Variants in MARVELD3 observed in about 807,000 individuals in gnomAD.
MARVELD3 encodes MARVEL domain containing 3, also known as MARVEL domain-containing protein 3.
A neutral mutation model predicts 33.5 loss-of-function variants in MARVELD3; 28 were observed. The observed-to-expected ratio is 0.84, with a 90% CI of 0.62 to 1.15. MARVELD3 has a LOEUF of 1.15. Ranked by LOEUF, MARVELD3 falls within the 50% of genes most tolerant of loss-of-function variation. The probability of loss-of-function intolerance (pLI) is 0.00; values close to 1 mark genes in which losing one functional copy is unlikely to be tolerated. For missense variants in MARVELD3, 582 were observed against 547.6 expected, an observed-to-expected ratio of 1.06 and a Z score of -0.63; for synonymous variants, 241 against 230.4, an observed-to-expected ratio of 1.05 and a Z score of -0.42.
Position 71,635,082 on chromosome 16 carries a change from C to T in MARVELD3, c.*279C>T. ...GCGGCTCACACCTGTAACCCCAGCACTTTGGGAGGCTGAGGTGGGTGGATC... is the reference window on the plus strand; with the variant it reads ...GCGGCTCACACCTGTAACCCCAGCATTTTGGGAGGCTGAGGTGGGTGGATC... On this transcript the variant is annotated 3_prime_UTR_variant, in exon 3 of 3. Coordinates refer to ENST00000268485, the MANE Select transcript of MARVELD3 (RefSeq NM_052858.6). 9.3e-7 allele frequency: 1 copy of T among 1,070,746 alleles called. No homozygotes were observed. Among genetic ancestry groups the T allele is most frequent in the Non-Finnish European group, 1.1e-6 (1 of 879,444 alleles). The allele number at this position is 1,070,746 out of a possible 1,614,324, so 66.3% of individuals were successfully genotyped here. A position where few individuals can be genotyped will look rare whatever the true frequency, so the allele number is the denominator to read the frequency against.
chr16:71,639,627 A>G (rs2044603585), downstream of MARVELD3, among the ~76,000 whole-genome samples: 1 of 150,462 alleles, frequency 6.6e-6, no homozygotes, highest in African/African-American at 2.4e-5. Flanking sequence ...TTGTATTTTT[A>G]GTAGAGATGG....
chr16:71,628,681 G>A (rs1049115203), intron 1 of MARVELD3, among the ~76,000 whole-genome samples: 12 of 152,088 alleles, frequency 7.9e-5, no homozygotes, highest in African/African-American at 2.9e-4. Context: ...GGGTCTGCGA[G>A]CATGAGGTTG....
intron 1 of MARVELD3, 136 bp from the exon 2 acceptor site, chr16:71,629,231 G>A: frequency 9.7e-7 from 1 of 1,034,112 alleles, no homozygotes; most frequent in Non-Finnish European, 1.3e-6. Flanking sequence ...AGAATTCTCT[G>A]GAGTTTAAAA....
At position 71,636,290 on chromosome 16, in the gene MARVELD3, T is replaced by C. The variant is rs2044580803; in HGVS notation, c.*1487T>C. On this transcript the variant is annotated 3_prime_UTR_variant, in exon 3 of 3. Coordinates refer to ENST00000268485, the MANE Select transcript of MARVELD3 (RefSeq NM_052858.6). Reference sequence around the variant, plus strand: ...TTTCACATTTAAAAGGTGAGTTCCATTTGAGTTTAGAAAAGGAAATATATA... The same window carrying C: ...TTTCACATTTAAAAGGTGAGTTCCACTTGAGTTTAGAAAAGGAAATATATA... 1 of 423,668 alleles carries C rather than the reference T, an allele frequency of 2.4e-6. No homozygotes were observed. The highest frequency in any genetic ancestry group is 9.6e-5 in the South Asian group (1 of 10,446). The allele number at this position is 423,668 out of a possible 1,614,324, so 26.2% of individuals were successfully genotyped here.
At chr16:71,637,872 C>T (rs561298786), downstream of MARVELD3, 17 of 152,170 alleles carry the variant, frequency 1.1e-4, no homozygotes, top group Non-Finnish European at 1.8e-4. Flanking sequence ...AGTATTTTCA[C>T]ATACTTGCTT....
chr16:71,629,318 C>T, intron 1 of MARVELD3, 49 bp from the exon 2 acceptor site: 1 of 1,505,780 alleles, frequency 6.6e-7, no homozygotes, highest in East Asian at 2.7e-5. Flanking sequence ...ATCCTGAACG[C>T]TATTGAATGA....
In MARVELD3 at chr16:71,635,279, A is replaced by G. The variant is rs964755547; in HGVS notation, c.*476A>G. 3.2e-6 allele frequency: 3 copies of G among 951,248 alleles called. No homozygotes were observed. Among genetic ancestry groups the G allele is most frequent in the Non-Finnish European group, 3.8e-6 (3 of 799,284 alleles). The allele number at this position is 951,248 out of a possible 1,614,324, so 58.9% of individuals were successfully genotyped here. A position where few individuals can be genotyped will look rare whatever the true frequency, so the allele number is the denominator to read the frequency against. On this transcript the variant is annotated 3_prime_UTR_variant, in exon 3 of 3. Transcript: ENST00000268485. ...GGGAGGCGGAGATTGCAGTGAGCCG[A>G]GATCCCGCCACTGCACTCCAGCCCA...
At chr16:71,637,675 CT>C (rs1179626551), downstream of MARVELD3, among the ~76,000 whole-genome samples, 4 of 152,240 alleles carry the variant, frequency 2.6e-5, no homozygotes, top group East Asian at 7.7e-4. Context: ...ACTTTAGAGT[CT>C]TTCACTGCCC....
In MARVELD3 at chr16:71,635,740, C is replaced by G; in HGVS notation, c.*937C>G. On this transcript the variant is annotated 3_prime_UTR_variant, in exon 3 of 3. Coordinates refer to ENST00000268485, the MANE Select transcript of MARVELD3 (RefSeq NM_052858.6). ...GTTTTTCCACACTGAACTCTCCAGT[C>G]CTTCCACTTCCTTAATTCTGCAAAT... is the stretch of plus-strand genomic sequence containing the variant. The G allele has an allele frequency of 1.0e-6, 1 of 985,386 alleles. No individual in the cohort carries two copies. The highest frequency in any genetic ancestry group is 1.2e-6 in the Non-Finnish European group (1 of 829,938). The allele number at this position is 985,386 out of a possible 1,614,324, so 61.0% of individuals were successfully genotyped here. A position where few individuals can be genotyped will look rare whatever the true frequency, so the allele number is the denominator to read the frequency against.
rs913330638 is a variant in MARVELD3 at position 71,626,917 on chromosome 16, C to T, written c.467+221C>T. ...AACCCAACTAACAAAGCAAAAACCA[C>T]CCCTGTGAGCAGTGGCTGGGCTGGA... On this transcript the variant is annotated intron_variant, in intron 1 of 2. Transcript: ENST00000268485. This position sits in a 1 kb window ranked among gnomAD's most constrained non-coding sequence, Gnocchi z 5.3. 5 of 460,182 alleles carry T rather than the reference C, an allele frequency of 1.1e-5. No homozygotes were observed. The highest frequency in any genetic ancestry group is 8.7e-5 in the Admixed American group (2 of 22,982). The allele number at this position is 460,182 out of a possible 1,614,324, so 28.5% of individuals were successfully genotyped here.
downstream of MARVELD3, chr16:71,636,522 T>C (rs1256130307): frequency 6.6e-6 from 1 of 152,138 alleles, no homozygotes; most frequent in Admixed American, 6.6e-5. Context: ...CAGGTATGGA[T>C]ATATAGTTAA....
rs950812510 is a variant in MARVELD3 at position 71,634,944 on chromosome 16, C to T, written c.*141C>T. ...GCGTTGGTGTGGTGGGCGGAGCTCC[C>T]AGTCGCATGGAGCGGTGTTCATGGA... On this transcript the variant is annotated 3_prime_UTR_variant, in exon 3 of 3. Transcript: ENST00000268485. 1.4e-6 allele frequency: 2 copies of T among 1,442,948 alleles called. No individual in the cohort carries two copies. The highest frequency in any genetic ancestry group is 1.5e-5 in the South Asian group (1 of 66,582). 89.4% of individuals were successfully genotyped at this position (1,442,948 alleles called of 1,614,324 possible). A position where few individuals can be genotyped will look rare whatever the true frequency, so the allele number is the denominator to read the frequency against.
intron 1 of MARVELD3, chr16:71,629,004 G>A (rs1354400148): frequency 5.4e-6 from 1 of 186,534 alleles, no homozygotes. Context: ...GAGAATGCCT[G>A]CCTGGGCATC....
At chr16:71,637,090 C>G (rs1567606493), downstream of MARVELD3, among the ~76,000 whole-genome samples, 1 of 152,158 alleles carries the variant, frequency 6.6e-6, no homozygotes, top group Non-Finnish European at 1.5e-5. Flanking sequence ...ATACTTGAGC[C>G]TGCCTTGATA....
intron 2 of MARVELD3, among the ~76,000 whole-genome samples, chr16:71,633,863 G>A (rs1184744240): frequency 2.0e-5 from 3 of 152,058 alleles, no homozygotes; most frequent in Admixed American, 2.0e-4. Context: ...GTGGTGGGAG[G>A]TGGAATGTTC....
downstream of MARVELD3, among the ~76,000 whole-genome samples, chr16:71,637,513 T>A (rs1340199822): frequency 1.3e-5 from 2 of 152,110 alleles, no homozygotes; most frequent in Non-Finnish European, 2.9e-5. Flanking sequence ...GAGTGGGCAG[T>A]TTTAGTCTGA....
At chr16:71,634,111 G>A in intron 2 of MARVELD3, 82 bp from the exon 3 acceptor site, 1 of 1,539,372 alleles carries the variant, frequency 6.5e-7, no homozygotes, top group Non-Finnish European at 8.7e-7. Flanking sequence ...TCTGAGCCCT[G>A]CGCGGAAGGT....
Position 71,634,910 on chromosome 16 carries a change from A to T in MARVELD3, c.*107A>T. ...TGGAAGTTTCCAGTGCTGGAAAAGC[A>T]GCGAGCCAGCGTTGGTGTGGTGGGC... On this transcript the variant is annotated 3_prime_UTR_variant, in exon 3 of 3. Coordinates refer to ENST00000268485, the MANE Select transcript of MARVELD3 (RefSeq NM_052858.6). 6.7e-7 allele frequency: 1 copy of T among 1,484,902 alleles called. No homozygotes were observed. The highest frequency in any genetic ancestry group is 8.9e-7 in the Non-Finnish European group (1 of 1,122,052). 92.0% of individuals were successfully genotyped at this position (1,484,902 alleles called of 1,614,324 possible). A position where few individuals can be genotyped will look rare whatever the true frequency, so the allele number is the denominator to read the frequency against.
chr16:71,638,197 C>T (rs1229988135), downstream of MARVELD3: 2 of 152,172 alleles, frequency 1.3e-5, no homozygotes, highest in East Asian at 3.9e-4. Flanking sequence ...AAAAGCTGAC[C>T]TCGGACAAGA....
Sources: allele counts gnomAD v4.1 joint callset (sites outside exome capture counted in the v4.1 genomes callset), GRCh38; gene constraint gnomAD v4.1.1; non-coding constraint Gnocchi (gnomAD v3.1); transcripts MANE v1.5; gene names NCBI Gene and HGNC (gene_info 2026-07-23, HGNC 2026-07-21).